Variants in ENOX1 observed in about 807,000 individuals in gnomAD.
ENOX1 encodes candidate growth-related and time keeping constitutive hydroquinone (NADH) oxidase.
Under a neutral mutation model 82.5 loss-of-function variants are expected in ENOX1, and 42 were observed. The observed-to-expected ratio is 0.51, with a 90% confidence interval of 0.40 to 0.66. The LOEUF (loss-of-function observed/expected upper bound fraction) is 0.66. ENOX1 is among the 30% of genes least tolerant of loss of function. The probability of loss-of-function intolerance (pLI) is 0.00; values close to 1 mark genes in which losing one functional copy is unlikely to be tolerated. For missense variants in ENOX1, 608 were observed against 811.6 expected (o/e 0.75, Z 3.05); for synonymous variants, 271 against 282.2 (o/e 0.96, Z 0.40).
intron 2 of ENOX1, among the ~76,000 whole-genome samples, chr13:43,578,371 G>A (rs2080540115): frequency 6.6e-6 from 1 of 152,052 alleles, no homozygotes; most frequent in African/African-American, 2.4e-5. Flanking sequence ...TGAGGAAAAT[G>A]TATTATATTT....
intron 3 of ENOX1, among the ~76,000 whole-genome samples, chr13:43,457,235 G>T (rs2057275979): frequency 1.3e-5 from 2 of 152,082 alleles, no homozygotes; most frequent in Non-Finnish European, 2.9e-5. Context: ...GGTCTAGTTT[G>T]TTTGTCCAGA....
intron 2 of ENOX1, among the ~76,000 whole-genome samples, chr13:43,549,411 TTAAAA>T (rs1357484475): frequency 6.6e-6 from 1 of 152,190 alleles, no homozygotes; most frequent in Non-Finnish European, 1.5e-5. Flanking sequence ...TAAAAGTACT[TTAAAA>T]TAACTCATTA....
At chr13:43,561,917 C>T (rs2079690101) in intron 2 of ENOX1, among the ~76,000 whole-genome samples, 1 of 137,920 alleles carries the variant, frequency 7.3e-6, no homozygotes, top group African/African-American at 2.7e-5. Context: ...TGCAGTAAGC[C>T]ATAATAACAC....
At chr13:43,541,171 C>CTGTTTTTTTT (rs2078694720) in intron 2 of ENOX1, among the ~76,000 whole-genome samples, 1 of 38,728 alleles carries the variant, frequency 2.6e-5, no homozygotes, top group East Asian at 1.1e-3. Context: ...CTTCTTCCCT[C>CTGTTTTTTTT]TGTTTTTTTT....
At chr13:43,770,330 G>A (rs902252315) in intron 1 of ENOX1, among the ~76,000 whole-genome samples, 1 of 152,122 alleles carries the variant, frequency 6.6e-6, no homozygotes, top group African/African-American at 2.4e-5. Context: ...CTTTTTCTCT[G>A]GAAAGTTAAT....
chr13:43,536,127 CA>C (rs1188823405), intron 2 of ENOX1, among the ~76,000 whole-genome samples: 2 of 152,090 alleles, frequency 1.3e-5, no homozygotes, highest in African/African-American at 4.8e-5. Context: ...GGATTAAACC[CA>C]AATGATTATT....
intron 14 of ENOX1, among the ~76,000 whole-genome samples, chr13:43,264,007 T>TCTACTTTCTCAATC (rs1409955051): frequency 2.6e-5 from 4 of 152,210 alleles, no homozygotes; most frequent in Non-Finnish European, 5.9e-5. Flanking sequence ...CCTTTGGCTT[T>TCTACTTTCTCAATC]CTACTTTCTC....
chr13:43,429,534 C>A (rs1025654761), intron 3 of ENOX1, among the ~76,000 whole-genome samples: 1 of 152,140 alleles, frequency 6.6e-6, no homozygotes, highest in African/African-American at 2.4e-5. Flanking sequence ...ATAAGCATCA[C>A]AATTTTGGTT....
At chr13:43,319,496 G>A (rs1237302125) in intron 11 of ENOX1, among the ~76,000 whole-genome samples, 1 of 152,144 alleles carries the variant, frequency 6.6e-6, no homozygotes, top group Admixed American at 6.5e-5. Flanking sequence ...TATCATATAA[G>A]TCCTTACACA....
chr13:43,702,023 C>T (rs1443813514), intron 1 of ENOX1, among the ~76,000 whole-genome samples: 1 of 152,174 alleles, frequency 6.6e-6, no homozygotes, highest in Non-Finnish European at 1.5e-5. Context: ...TATCCCCTGG[C>T]CACCACTAAT....
chr13:43,687,439 G>T (rs2086133176), intron 1 of ENOX1, among the ~76,000 whole-genome samples: 1 of 152,136 alleles, frequency 6.6e-6, no homozygotes, highest in Non-Finnish European at 1.5e-5. Flanking sequence ...GGTTACACAT[G>T]TATCTCATAG....
At chr13:43,756,533 G>A (rs1264152531) in intron 1 of ENOX1, among the ~76,000 whole-genome samples, 2 of 144,300 alleles carry the variant, frequency 1.4e-5, no homozygotes, top group African/African-American at 2.6e-5. Flanking sequence ...GAAAGGAGAG[G>A]GGAGGGGAGG....
At position 43,269,502 on chromosome 13, in the gene ENOX1, T is replaced by C; in HGVS notation, c.1522A>G (p.Thr508Ala). The change falls in exon 13 of 17, where the codon ACA (threonine) becomes GCA (alanine). Residue 508 changes from threonine (T) to alanine (A), a missense_variant. Coordinates refer to ENST00000690772, the MANE Select transcript of ENOX1 (RefSeq NM_001347969.2). ...LEQAKEEQSHTQALLKVLQEQ... is the reference protein window; with the variant it reads ...LEQAKEEQSHAQALLKVLQEQ... ...TGCAGGACTTTTAGTAACGCTTGTG[T>C]ATGGGACTGCTCTTCCTTTGCTTGT... The C allele has an allele frequency of 1.2e-6, 2 of 1,614,010 alleles. No homozygotes were observed. Among genetic ancestry groups the C allele is most frequent in the Non-Finnish European group, 1.7e-6 (2 of 1,179,870 alleles).
At chr13:43,312,936 C>T (rs2047290837) in intron 11 of ENOX1, among the ~76,000 whole-genome samples, 1 of 152,184 alleles carries the variant, frequency 6.6e-6, no homozygotes, top group South Asian at 2.1e-4. Context: ...TAAGCATCTC[C>T]AGGCTACCTT....
intron 5 of ENOX1, among the ~76,000 whole-genome samples, chr13:43,404,007 A>T (rs1405076411): frequency 6.6e-6 from 1 of 152,130 alleles, no homozygotes; most frequent in African/African-American, 2.4e-5. Context: ...CATTGGATGT[A>T]TCTAGGCCAT....
intron 1 of ENOX1, among the ~76,000 whole-genome samples, chr13:43,734,203 GTT>G (rs2089493595): frequency 4.3e-3 from 7 of 1,616 alleles, no homozygotes; most frequent in African/African-American, 6.0e-3. Context: ...GTTGTTGGTT[GTT>G]GTTGTTGTTG....
chr13:43,578,113 C>G lies in ENOX1; in HGVS notation c.-219+89366G>C, dbSNP rs115866997. ...CTAGGTTTGCTTAGACTTTACCTGACGACACACGACAGCCATTTGAAACGA... is the reference window on the plus strand; with the variant it reads ...CTAGGTTTGCTTAGACTTTACCTGAGGACACACGACAGCCATTTGAAACGA... On this transcript the variant is annotated intron_variant, in intron 2 of 16. Coordinates refer to ENST00000690772, the MANE Select transcript of ENOX1 (RefSeq NM_001347969.2). Among the ~76,000 whole-genome samples the G allele has an allele frequency of 4.8e-4, 73 of 152,178 alleles. 1 individual carries two copies. The highest frequency in any genetic ancestry group is 1.6e-3 in the African/African-American group (66 of 41,528).
intron 5 of ENOX1, among the ~76,000 whole-genome samples, chr13:43,402,573 C>T (rs2053559372): frequency 6.6e-6 from 1 of 152,148 alleles, no homozygotes; most frequent in African/African-American, 2.4e-5. Context: ...ACATAAATGA[C>T]ATGTGCTTAC....
At chr13:43,427,465 GT>G (rs2055384605) in intron 3 of ENOX1, among the ~76,000 whole-genome samples, 1 of 152,226 alleles carries the variant, frequency 6.6e-6, no homozygotes, top group South Asian at 2.1e-4. Context: ...CTGGATGTCT[GT>G]TGTTACAGAT....
Sources: gnomAD v4.1 joint callset for allele counts (sites outside exome capture counted in the v4.1 genomes callset) on GRCh38, gnomAD v4.1.1 for gene constraint, MANE v1.5 for transcripts, NCBI Gene and HGNC (gene_info 2026-07-23, HGNC 2026-07-21) for gene names.